Variants in SLC9C2 observed in about 807,000 individuals in gnomAD.
SLC9C2 encodes the protein sodium/hydrogen exchanger 11.
A neutral mutation model predicts 140.2 loss-of-function variants in SLC9C2; 75 were observed. The observed-to-expected ratio is 0.53, with a 90% CI of 0.44 to 0.65. SLC9C2 has a LOEUF of 0.65. Among genes scored for constraint, SLC9C2 ranks in the 30% least tolerant of loss-of-function variants. The probability of loss-of-function intolerance (pLI) is 0.00; values close to 1 mark genes in which losing one functional copy is unlikely to be tolerated. For missense variants in SLC9C2, 1,074 were observed against 1,331.8 expected, an observed-to-expected ratio of 0.81 and a Z score of 3.01; for synonymous variants, 375 against 420.9, an observed-to-expected ratio of 0.89 and a Z score of 1.34.
chr1:173,534,304 T>A (rs1661791518), intron 16 of SLC9C2, among the ~76,000 whole-genome samples, 180 bp downstream of exon 16: 3 of 152,096 alleles, frequency 2.0e-5, no homozygotes, highest in Non-Finnish European at 4.4e-5. Context: ...ATACCATGAC[T>A]CTTATACTAA....
At chr1:173,580,355 CTTT>C (rs60721581) in intron 7 of SLC9C2, among the ~76,000 whole-genome samples, 2 of 146,446 alleles carry the variant, frequency 1.4e-5, no homozygotes, top group Admixed American at 6.8e-5. Flanking sequence ...TGATATAACA[CTTT>C]TTTTTTTTTT....
intron 27 of SLC9C2, among the ~76,000 whole-genome samples, chr1:173,502,272 CAAAAAAA>C (rs34183286): frequency 7.4e-5 from 3 of 40,784 alleles, no homozygotes; most frequent in Admixed American, 2.9e-4. Flanking sequence ...GATTCCATCT[CAAAAAAA>C]AAAAAAAAAA....
intron 21 of SLC9C2, among the ~76,000 whole-genome samples, chr1:173,522,367 A>C (rs1428385178): frequency 6.6e-6 from 1 of 152,190 alleles, no homozygotes; most frequent in Middle Eastern, 3.2e-3. Context: ...CCAGGGCAGA[A>C]GATTCATATA....
At chr1:173,526,765 G>T in intron 18 of SLC9C2, 51 bp from the exon 19 acceptor site, 1 of 1,272,898 alleles carries the variant, frequency 7.9e-7, no homozygotes, top group Non-Finnish European at 1.1e-6. Context: ...TATAGTTTCT[G>T]TAAGAAATTA....
In SLC9C2 at chr1:173,581,984, C is replaced by T. The variant is rs1048632216; in HGVS notation, c.665G>A (p.Ser222Asn). Residue 222 changes from serine (S) to asparagine (N), a missense_variant, in exon 7 of 28, where the codon AGC (serine) becomes AAC (asparagine). Ser to Asn is a conservative substitution (Grantham distance 46). Coordinates refer to ENST00000367714, the MANE Select transcript of SLC9C2 (RefSeq NM_178527.4). ...TATTATGCTTCCCAAAATGTCATAG[C>T]TGAGTTCAATGCCTACATGTAAATC... ...FRDLHVGIEL[S>N]YDILGSIIFG... 3 of 1,583,504 alleles carry T rather than the reference C, an allele frequency of 1.9e-6. No individual in the cohort carries two copies. The highest frequency in any genetic ancestry group is 2.7e-5 in the African/African-American group (2 of 74,202).
intron 27 of SLC9C2, among the ~76,000 whole-genome samples, chr1:173,501,740 A>G (rs576737809): frequency 1.3e-5 from 2 of 152,040 alleles, no homozygotes; most frequent in Non-Finnish European, 2.9e-5. Context: ...TCTTTGTGAA[A>G]TAAGGTCCCT....
chr1:173,559,181 T>A (rs1663924289), intron 9 of SLC9C2, among the ~76,000 whole-genome samples: 1 of 152,366 alleles, frequency 6.6e-6, no homozygotes, highest in East Asian at 1.9e-4. Flanking sequence ...TAGTCTTTTC[T>A]AGTTTAAAGA....
chr1:173,573,254 C>G lies in SLC9C2; in HGVS notation c.974G>C (p.Gly325Ala). ...YAFFGIVIGC[G>A]ELSHYEFHTI... The stretch of plus-strand genomic sequence containing the variant: ...GTGAAATTCATAGTGGCTGAGTTCT[C>G]CACATCCAATCACAATGCCAAAGAA... The change falls in exon 9 of 28, where the codon GGA becomes GCA. Residue 325 changes from glycine (G) to alanine (A), a missense_variant. By Grantham distance (60) the Gly-to-Ala change is moderately conservative. Transcript: ENST00000367714. 1 of 1,585,104 alleles carries G rather than the reference C, an allele frequency of 6.3e-7. No individual in the cohort carries two copies. The highest frequency in any genetic ancestry group is 8.7e-7 in the Non-Finnish European group (1 of 1,155,120).
intron 11 of SLC9C2, among the ~76,000 whole-genome samples, chr1:173,549,844 C>T (rs1663128956): frequency 6.6e-6 from 1 of 151,888 alleles, no homozygotes; most frequent in South Asian, 2.1e-4. Context: ...AGAAACAAGA[C>T]AAAAAAAGCA....
intron 24 of SLC9C2, among the ~76,000 whole-genome samples, chr1:173,508,298 TAGAG>T (rs1659794812): frequency 6.6e-6 from 1 of 151,440 alleles, no homozygotes; most frequent in Admixed American, 6.6e-5. Context: ...AAGTATTAAA[TAGAG>T]ATTCTCTATT....
At chr1:173,552,770 G>T (rs549247333) in intron 11 of SLC9C2, among the ~76,000 whole-genome samples, 1 of 152,176 alleles carries the variant, frequency 6.6e-6, no homozygotes, top group Non-Finnish European at 1.5e-5. Flanking sequence ...GATGGACAAG[G>T]AGTTGAATGT....
At chr1:173,594,615 AATAATG>A (rs1330271932) in intron 4 of SLC9C2, among the ~76,000 whole-genome samples, 1 of 152,162 alleles carries the variant, frequency 6.6e-6, no homozygotes. Flanking sequence ...CAATCACAAT[AATAATG>A]ATAATGACTA....
intron 23 of SLC9C2, among the ~76,000 whole-genome samples, chr1:173,516,820 G>A (rs578164326): frequency 5.3e-5 from 8 of 152,222 alleles, no homozygotes; most frequent in African/African-American, 1.9e-4. Context: ...CATTCCTTTG[G>A]GTATATACCC....
intron 23 of SLC9C2, among the ~76,000 whole-genome samples, chr1:173,513,105 A>C (rs1660163189): frequency 6.6e-6 from 1 of 152,032 alleles, no homozygotes; most frequent in Admixed American, 6.6e-5. Flanking sequence ...ATTGACCTGA[A>C]GTTTTCTTTT....
chr1:173,599,361 G>GTTTTTTT (rs1558103752), intron 3 of SLC9C2, among the ~76,000 whole-genome samples: 1 of 50,380 alleles, frequency 2.0e-5, no homozygotes, highest in Non-Finnish European at 3.8e-5. Flanking sequence ...CATTTTCCTT[G>GTTTTTTT]ATTTTTTTTT....
intron 13 of SLC9C2, among the ~76,000 whole-genome samples, chr1:173,542,287 C>T (rs575247749): frequency 6.6e-6 from 1 of 151,598 alleles, no homozygotes; most frequent in Non-Finnish European, 1.5e-5. Flanking sequence ...TGGACACATA[C>T]ACCCTCCCAA....
chr1:173,599,362 A>ATTTTTTTTTTTTTTTT lies in SLC9C2; in HGVS notation c.228+739_228+754dup. The stretch of plus-strand genomic sequence containing the variant: ...CAAGAGCGCAAACACATTTTCCTTG[A>ATTTTTTTTTTTTTTTT]TTTTTTTTTTTTTTTTTTTTTTTTT... On this transcript the variant is annotated intron_variant, in intron 3 of 27. Transcript: ENST00000367714. Among the ~76,000 whole-genome samples, 33 of 68,124 alleles carry ATTTTTTTTTTTTTTTT rather than the reference A, an allele frequency of 4.8e-4. 8 individuals are homozygous for ATTTTTTTTTTTTTTTT. Among genetic ancestry groups the ATTTTTTTTTTTTTTTT allele is most frequent in the African/African-American group, 1.5e-3 (31 of 21,142 alleles). 44.7% of individuals were successfully genotyped at this position (68,124 alleles called of 152,430 possible).
intron 23 of SLC9C2, among the ~76,000 whole-genome samples, chr1:173,510,044 C>A (rs1659931245): frequency 6.6e-6 from 1 of 152,126 alleles, no homozygotes; most frequent in South Asian, 2.1e-4. Flanking sequence ...TGGTAGATAA[C>A]ATGAGCTCAT....
At chr1:173,520,370 C>A (rs1390165097) in intron 22 of SLC9C2, among the ~76,000 whole-genome samples, 1 of 152,122 alleles carries the variant, frequency 6.6e-6, no homozygotes, top group Non-Finnish European at 1.5e-5. Context: ...GCTTATATTG[C>A]CTTTCTCGAC....
Sources: gnomAD v4.1 joint callset for allele counts (sites outside exome capture counted in the v4.1 genomes callset) on GRCh38, gnomAD v4.1.1 for gene constraint, MANE v1.5 for transcripts, NCBI Gene and HGNC (gene_info 2026-07-23, HGNC 2026-07-21) for gene names.